The following DNAJC24 variants were observed in gnomAD, a reference collection of about 807,000 sequenced individuals.
The protein encoded by DNAJC24 is DnaJ heat shock protein family (Hsp40) member C24, also known as dnaJ homolog subfamily C member 24.
DNAJC24 carries 17 observed loss-of-function variants against 18.0 expected under a neutral mutation model. The observed-to-expected ratio is 0.94, with a 90% CI of 0.65 to 1.42. DNAJC24 has a LOEUF of 1.42. Ranked by LOEUF, DNAJC24 falls within the 40% of genes most tolerant of loss-of-function variation. The pLI is 0.00. For missense variants in DNAJC24, 158 were observed against 175.6 expected, an observed-to-expected ratio of 0.90 and a Z score of 0.57; for synonymous variants, 55 against 57.7, an observed-to-expected ratio of 0.95 and a Z score of 0.21.
At chr11:31,371,555 C>A (rs1286153731) in intron 2 of DNAJC24, among the ~76,000 whole-genome samples, 1 of 151,846 alleles carries the variant, frequency 6.6e-6, no homozygotes, top group Non-Finnish European at 1.5e-5. Context: ...CACAGTTAAA[C>A]TCCCTGTCTG....
At chr11:31,376,609 G>T (rs1352662702) in intron 2 of DNAJC24, among the ~76,000 whole-genome samples, 1 of 152,146 alleles carries the variant, frequency 6.6e-6, no homozygotes, top group Non-Finnish European at 1.5e-5. Flanking sequence ...CAGTTAAGTG[G>T]TTTGTCAGAA....
rs1385651024 is a variant in DNAJC24, at chr11:31,432,269, C to T, written c.*1868C>T. 2.2e-6 allele frequency: 1 copy of T among 457,548 alleles called. No individual in the cohort carries two copies. Among genetic ancestry groups the T allele is most frequent in the Non-Finnish European group, 3.9e-6 (1 of 253,952 alleles). The allele number at this position is 457,548 out of a possible 1,614,324, so 28.3% of individuals were successfully genotyped here. On this transcript the variant is annotated 3_prime_UTR_variant, in exon 5 of 5. Coordinates refer to ENST00000465995, the MANE Select transcript of DNAJC24 (RefSeq NM_181706.5). ...GTAGTCATCCAGGTTCCCCCTCCCA[C>T]AATATTTTTGTATCATAAAATTTAG...
At chr11:31,397,347 A>AG (rs1316796227) in intron 2 of DNAJC24, among the ~76,000 whole-genome samples, 1 of 152,232 alleles carries the variant, frequency 6.6e-6, no homozygotes. Flanking sequence ...AGAGTTTAAA[A>AG]ACATTTTAAA....
intron 2 of DNAJC24, among the ~76,000 whole-genome samples, chr11:31,391,528 A>G (rs1016502811): frequency 1.3e-5 from 2 of 152,246 alleles, no homozygotes; most frequent in Non-Finnish European, 2.9e-5. Context: ...ATTGATCATC[A>G]GTGAAATAAA....
chr11:31,383,758 A>G (rs923676815), intron 2 of DNAJC24, among the ~76,000 whole-genome samples: 15 of 152,258 alleles, frequency 9.9e-5, no homozygotes, highest in African/African-American at 2.7e-4. Flanking sequence ...AGCATATGCC[A>G]TAAGTGTGGG....
At chr11:31,384,295 A>G (rs935630801) in intron 2 of DNAJC24, among the ~76,000 whole-genome samples, 4 of 152,316 alleles carry the variant, frequency 2.6e-5, no homozygotes, top group African/African-American at 9.6e-5. Flanking sequence ...TTGATACATC[A>G]TAACTCTGTT....
At chr11:31,379,779 A>G (rs894628268) in intron 2 of DNAJC24, among the ~76,000 whole-genome samples, 4 of 151,652 alleles carry the variant, frequency 2.6e-5, no homozygotes, top group African/African-American at 9.7e-5. Context: ...TTCTTTTGAG[A>G]CAGAGTCTCA....
chr11:31,420,573 A>G (rs1485102580), intron 3 of DNAJC24, among the ~76,000 whole-genome samples: 1 of 152,148 alleles, frequency 6.6e-6, no homozygotes, highest in Non-Finnish European at 1.5e-5. Context: ...CAACACAAAC[A>G]GTGAGAGATA....
chr11:31,385,310 C>T (rs532343218), intron 2 of DNAJC24, among the ~76,000 whole-genome samples: 6 of 152,050 alleles, frequency 3.9e-5, no homozygotes, highest in Admixed American at 2.0e-4. Context: ...TAGAATCTAC[C>T]CTTACAGTGA....
chr11:31,406,881 T>A (rs1181944709), intron 2 of DNAJC24, among the ~76,000 whole-genome samples: 1 of 152,096 alleles, frequency 6.6e-6, no homozygotes, highest in Non-Finnish European at 1.5e-5. Context: ...ATTAGAAAAA[T>A]TTTTCCCCTC....
Position 31,375,128 on chromosome 11 carries a change from A to G in DNAJC24, c.111+4269A>G, listed in dbSNP as rs779542452. On this transcript the variant is annotated intron_variant, in intron 2 of 4. Coordinates refer to ENST00000465995, the MANE Select transcript of DNAJC24 (RefSeq NM_181706.5). ...CAGGAGTTCAAGGCTACAGTGAGAT[A>G]TGATTGTGTCACTGCACGCCAGCCT... Among the ~76,000 whole-genome samples, 15 of 135,094 alleles carry G rather than the reference A, an allele frequency of 1.1e-4. 3 individuals are homozygous for G. Among genetic ancestry groups the G allele is most frequent in the Non-Finnish European group, 2.6e-4 (15 of 58,368 alleles). 88.6% of individuals were successfully genotyped at this position (135,094 alleles called of 152,430 possible).
chr11:31,408,241 AGT>A (rs1952674757), intron 2 of DNAJC24: 2 of 455,218 alleles, frequency 4.4e-6, no homozygotes, highest in Admixed American at 4.7e-5. Context: ...CAAGGCAAAC[AGT>A]GTGCTTCTCA....
rs185851584 is a variant in DNAJC24 at position 31,406,919 on chromosome 11, C to T, written c.112-7892C>T. ...ATCCATTCATTTAGCATTTATTGAG[C>T]GTGGAGTTATTTTTTAACAGAGCAA... is the stretch of plus-strand genomic sequence containing the variant. On this transcript the variant is annotated intron_variant, in intron 2 of 4. Transcript: ENST00000465995. 1.0e-3 allele frequency among the ~76,000 whole-genome samples: 154 copies of T among 152,136 alleles called. 1 individual carries two copies. Among genetic ancestry groups the T allele is most frequent in the African/African-American group, 3.4e-3 (142 of 41,512 alleles).
At position 31,414,922 on chromosome 11, in the gene DNAJC24, A is replaced by T. The variant is rs757119357; in HGVS notation, c.223A>T (p.Lys75Ter). ...AWKILGNEET[K>*]REYDLQRCED... is the part of the protein sequence containing the mutation. ...GAAAATTCTAGGAAATGAAGAGACA[A>T]AAAGAGAGTATGACCTGCAGCGGTG... The change falls in exon 3 of 5, where the codon AAA becomes TAA. Residue 75 changes from lysine (K) to a stop codon, truncating the protein, a stop_gained. Coordinates refer to ENST00000465995, the MANE Select transcript of DNAJC24 (RefSeq NM_181706.5). LOFTEE classifies it high-confidence loss of function. 1 of 1,613,974 alleles carries T rather than the reference A, an allele frequency of 6.2e-7. No homozygotes were observed. Among genetic ancestry groups the T allele is most frequent in the Non-Finnish European group, 8.5e-7 (1 of 1,179,950 alleles).
At chr11:31,382,092 C>T (rs1021879997) in intron 2 of DNAJC24, among the ~76,000 whole-genome samples, 1 of 152,050 alleles carries the variant, frequency 6.6e-6, no homozygotes, top group African/African-American at 2.4e-5. Flanking sequence ...GGAACTGTTT[C>T]CAGGTGCTGT....
At chr11:31,417,768 G>A (rs964063350) in intron 3 of DNAJC24, among the ~76,000 whole-genome samples, 2 of 152,104 alleles carry the variant, frequency 1.3e-5, no homozygotes, top group Admixed American at 6.5e-5. Context: ...ATGCTTTCTC[G>A]TGTTTCATAG....
intron 2 of DNAJC24, among the ~76,000 whole-genome samples, chr11:31,407,704 A>ATAT (rs1432232897): frequency 1.9e-3 from 177 of 92,910 alleles, no homozygotes; most frequent in African/African-American, 8.1e-3. Context: ...AAAAAAAAAA[A>ATAT]AAATATATAT....
At chr11:31,393,033 G>C (rs1026101566) in intron 2 of DNAJC24, among the ~76,000 whole-genome samples, 2 of 152,150 alleles carry the variant, frequency 1.3e-5, no homozygotes, top group African/African-American at 4.8e-5. Context: ...CTAGTGCCTT[G>C]ATTCAGGCAA....
At chr11:31,406,540 G>T (rs1051530894) in intron 2 of DNAJC24, among the ~76,000 whole-genome samples, 5 of 152,208 alleles carry the variant, frequency 3.3e-5, no homozygotes, top group African/African-American at 1.2e-4. Context: ...AATAGATAAA[G>T]CTTGAATGGT....
Sources: allele counts gnomAD v4.1 joint callset (sites outside exome capture counted in the v4.1 genomes callset), GRCh38; gene constraint gnomAD v4.1.1; transcripts MANE v1.5; gene names NCBI Gene and HGNC (gene_info 2026-07-23, HGNC 2026-07-21).